Variants in TNIK observed in about 807,000 individuals in gnomAD.
TNIK encodes TRAF2 and NCK-interacting protein kinase.
TNIK carries 49 observed loss-of-function variants against 191.3 expected under a neutral mutation model. The ratio of observed to expected loss-of-function variants is 0.26; its 90% CI spans 0.20 to 0.32. TNIK has a LOEUF of 0.32. TNIK is among the 10% of genes least tolerant of loss of function. The probability of loss-of-function intolerance (pLI) is 1.00; values close to 1 mark genes in which losing one functional copy is unlikely to be tolerated. For synonymous variants in TNIK, 594 were observed against 600.9 expected, an observed-to-expected ratio of 0.99 and a Z score of 0.17; for missense variants, 1,155 against 1,702.3, an observed-to-expected ratio of 0.68 and a Z score of 5.66.
At chr3:171,110,930 G>T (rs1725761667) in intron 18 of TNIK, 53 bp from the exon 19 acceptor site, 1 of 1,487,136 alleles carries the variant, frequency 6.7e-7, no homozygotes, top group African/African-American at 1.4e-5. Context: ...TGCCAGTTTT[G>T]CAGATCACAT....
chr3:171,338,226 C>T (rs1257381292), intron 2 of TNIK, among the ~76,000 whole-genome samples: 8 of 152,026 alleles, frequency 5.3e-5, no homozygotes, highest in African/African-American at 1.7e-4. Flanking sequence ...TGCCTCATTT[C>T]TAAACTGGAG....
At chr3:171,231,319 T>G (rs1457157786) in intron 2 of TNIK, among the ~76,000 whole-genome samples, 13 of 150,276 alleles carry the variant, frequency 8.7e-5, no homozygotes, top group African/African-American at 1.2e-4. Context: ...GTTGTTTTGT[T>G]TTTTTTTTTG....
At chr3:171,296,712 ATAAG>A (rs1194556827) in intron 2 of TNIK, among the ~76,000 whole-genome samples, 1 of 152,200 alleles carries the variant, frequency 6.6e-6, no homozygotes, top group Non-Finnish European at 1.5e-5. Context: ...ATTATTGAAG[ATAAG>A]TAAGGTACAA....
rs75714159 is a variant in TNIK, at chr3:171,125,458, C to T, written c.2013+454G>A. On this transcript the variant is annotated intron_variant, in intron 17 of 32. Transcript: ENST00000436636. ...CTTAAAATGGGGCCAACTAAAATAT[C>T]CTAAGAACAATACTATCTTCTGAAC... Among the ~76,000 whole-genome samples, 40 of 152,286 alleles carry T rather than the reference C, an allele frequency of 2.6e-4. No homozygotes were observed. The East Asian group carries it at 7.5e-3, about 29-fold the overall frequency.
chr3:171,276,387 G>A (rs1485446343), intron 2 of TNIK, among the ~76,000 whole-genome samples: 1 of 152,168 alleles, frequency 6.6e-6, no homozygotes, highest in Non-Finnish European at 1.5e-5. Context: ...AGGAACCTGT[G>A]GAGGAGGGGC....
In TNIK at chr3:171,154,029, T is replaced by C. The variant is rs185012859; in HGVS notation, c.1221+3431A>G. Among the ~76,000 whole-genome samples the C allele has an allele frequency of 3.1e-3, 465 of 152,338 alleles. 4 individuals are homozygous for C. Among genetic ancestry groups the C allele is most frequent in the Middle Eastern group, 0.017 (5 of 294 alleles). Reference sequence around the variant, plus strand: ...ACAACAGAGGTGTTCACTGAATATTTGTCAAATGATGACCTACAGACCCCA... The same window carrying C: ...ACAACAGAGGTGTTCACTGAATATTCGTCAAATGATGACCTACAGACCCCA... On this transcript the variant is annotated intron_variant, in intron 12 of 32. Coordinates refer to ENST00000436636, the MANE Select transcript of TNIK (RefSeq NM_015028.4).
intron 19 of TNIK, among the ~76,000 whole-genome samples, chr3:171,110,513 G>T (rs2108502306): frequency 6.6e-6 from 1 of 152,282 alleles, no homozygotes; most frequent in Admixed American, 6.5e-5. Context: ...AAAGGATTTT[G>T]TCCATACTGA....
At chr3:171,155,136 A>G (rs537707114) in intron 12 of TNIK, among the ~76,000 whole-genome samples, 1 of 152,336 alleles carries the variant, frequency 6.6e-6, no homozygotes, top group South Asian at 2.1e-4. Context: ...AGGAAAAATG[A>G]CTCGCAGTGA....
chr3:171,280,162 A>G (rs1392246408), intron 2 of TNIK, among the ~76,000 whole-genome samples: 2 of 152,124 alleles, frequency 1.3e-5, no homozygotes. Context: ...CCCATATCAC[A>G]CCAGTCAATC....
chr3:171,353,691 T>C (rs777308968), intron 2 of TNIK, among the ~76,000 whole-genome samples: 11 of 152,200 alleles, frequency 7.2e-5, no homozygotes, highest in Non-Finnish European at 1.3e-4. Context: ...TCTGAACTCA[T>C]CTTAACCTCT....
chr3:171,459,696 A>ACACACACACACACG (rs1231090310), intron 1 of TNIK, among the ~76,000 whole-genome samples: 1 of 151,710 alleles, frequency 6.6e-6, no homozygotes, highest in Non-Finnish European at 1.5e-5. Flanking sequence ...ACACACACAC[A>ACACACACACACACG]CACACACGCA....
chr3:171,211,682 G>C (rs879339709), intron 3 of TNIK, among the ~76,000 whole-genome samples: 5 of 152,116 alleles, frequency 3.3e-5, no homozygotes, highest in African/African-American at 1.2e-4. Flanking sequence ...CATTTTCTTT[G>C]AAGGCTCCTT....
intron 1 of TNIK, among the ~76,000 whole-genome samples, chr3:171,440,912 C>T (rs561623288): frequency 6.6e-6 from 1 of 152,294 alleles, no homozygotes; most frequent in East Asian, 1.9e-4. Flanking sequence ...TCTCCCAGTC[C>T]TGGCCCCAAA....
At chr3:171,191,885 G>T (rs1230282419) in intron 5 of TNIK, among the ~76,000 whole-genome samples, 2 of 152,242 alleles carry the variant, frequency 1.3e-5, no homozygotes, top group Non-Finnish European at 2.9e-5. Context: ...ATCTAAAAAT[G>T]GAGTCTTAAA....
chr3:171,282,355 T>TTTTTTTTTTTTTTTTTTTTG (rs1397305575), intron 2 of TNIK, among the ~76,000 whole-genome samples: 1 of 146,344 alleles, frequency 6.8e-6, no homozygotes, highest in Non-Finnish European at 1.5e-5. Context: ...TTTTTTTTTT[T>TTTTTTTTTTTTTTTTTTTTG]TTTGAGATGG....
At chr3:171,314,610 C>T (rs915428667) in intron 2 of TNIK, among the ~76,000 whole-genome samples, 12 of 152,234 alleles carry the variant, frequency 7.9e-5, no homozygotes, top group East Asian at 3.9e-4. Flanking sequence ...CTCATTAATT[C>T]GCTTGTTCAT....
intron 2 of TNIK, among the ~76,000 whole-genome samples, chr3:171,329,807 G>C (rs1031241586): frequency 2.6e-5 from 4 of 152,104 alleles, no homozygotes; most frequent in Non-Finnish European, 5.9e-5. Context: ...AAGTTGCAAG[G>C]AGCTGATCCT....
intron 1 of TNIK, among the ~76,000 whole-genome samples, chr3:171,415,205 C>T (rs1722899665): frequency 6.6e-6 from 1 of 152,188 alleles, no homozygotes; most frequent in African/African-American, 2.4e-5. Flanking sequence ...TCAGAGAGGT[C>T]CTCAAACCAT....
At chr3:171,397,148 C>A (rs1720357319) in intron 1 of TNIK, among the ~76,000 whole-genome samples, 1 of 152,174 alleles carries the variant, frequency 6.6e-6, no homozygotes, top group Admixed American at 6.6e-5. Context: ...TTCACACCCT[C>A]ACAAATCACT....
Sources: gnomAD v4.1 joint callset for allele counts (sites outside exome capture counted in the v4.1 genomes callset) on GRCh38, gnomAD v4.1.1 for gene constraint, MANE v1.5 for transcripts, NCBI Gene and HGNC (gene_info 2026-07-23, HGNC 2026-07-21) for gene names.